NOX1: variants seen among roughly 807,000 people sequenced by gnomAD.
NOX1 encodes NADPH oxidase 1.
In NOX1, 34 loss-of-function variants were observed where a neutral mutation model predicts 42.5. That is an observed-to-expected ratio of 0.80 (90% CI 0.61 to 1.07). The LOEUF is 1.07. Ranked by LOEUF, NOX1 falls within the 50% of genes least tolerant of loss-of-function variation. The pLI is 0.00. For missense variants in NOX1, 408 were observed against 427.0 expected, an observed-to-expected ratio of 0.96 and a Z score of 0.39; for synonymous variants, 143 against 152.5, an observed-to-expected ratio of 0.94 and a Z score of 0.46.
chrX:100,843,531 G>T lies in NOX1; in HGVS notation c.*421C>A, dbSNP rs2085050836. On this transcript the variant is annotated 3_prime_UTR_variant, in exon 13 of 13. Coordinates refer to ENST00000372966, the MANE Select transcript of NOX1 (RefSeq NM_007052.5). Reference sequence around the variant, plus strand: ...TATTCAATAAATTTTTATTTAAAAAGTCACCCTACTTAGAAATCTTCTGTG... The same window carrying T: ...TATTCAATAAATTTTTATTTAAAAATTCACCCTACTTAGAAATCTTCTGTG... 1 of 991,710 alleles carries T rather than the reference G, an allele frequency of 1.0e-6. No individual in the cohort carries two copies. Among genetic ancestry groups the T allele is most frequent in the African/African-American group, 2.0e-5 (1 of 49,451 alleles). The allele number at this position is 991,710 out of a possible 1,213,427, so 81.7% of individuals were successfully genotyped here. A position where few individuals can be genotyped will look rare whatever the true frequency, so the allele number is the denominator to read the frequency against.
chrX:100,863,758 A>G (rs907950197), intron 2 of NOX1, among the ~76,000 whole-genome samples, 163 bp from the exon 3 acceptor site: 3 of 111,419 alleles, frequency 2.7e-5, no homozygotes, highest in Non-Finnish European at 5.6e-5. Flanking sequence ...TCTGTTTGCA[A>G]AATACATAAA....
chrX:100,849,905 G>T lies in NOX1; in HGVS notation c.1163C>A (p.Ala388Asp). 1 of 1,205,889 alleles carries T rather than the reference G, an allele frequency of 8.3e-7. No individual in the cohort carries two copies. Among genetic ancestry groups the T allele is most frequent in the Non-Finnish European group, 1.1e-6 (1 of 893,066 alleles). The change falls in exon 10 of 13, where the codon GCC becomes GAC. Residue 388 changes from alanine (A) to aspartate (D), a missense_variant. By Grantham distance (126) the Ala-to-Asp change is moderately radical (BLOSUM62 -2). Transcript: ENST00000372966. The stretch of plus-strand genomic sequence containing the variant: ...TTCATACTGGAAAACATCCTCACTG[G>T]CTGTGCCAAAGGGACCATCCACTTC... ...RIEVDGPFGT[A>D]SEDVFQYEVA...
At chrX:100,869,027 T>C (rs2085256502) in intron 2 of NOX1, among the ~76,000 whole-genome samples, 2 of 111,578 alleles carry the variant, frequency 1.8e-5, no homozygotes, top group South Asian at 3.8e-4. Context: ...TATATCTCTG[T>C]TTTGGTACCA....
chrX:100,868,734 C>T (rs1386957403), intron 2 of NOX1, among the ~76,000 whole-genome samples: 1 of 110,509 alleles, frequency 9.0e-6, no homozygotes, highest in East Asian at 2.8e-4. Flanking sequence ...AAAAAAAAAC[C>T]AAACTCTTTC....
intron 7 of NOX1, among the ~76,000 whole-genome samples, chrX:100,856,818 C>T (rs2085170814): frequency 8.9e-6 from 1 of 111,754 alleles, no homozygotes; most frequent in Non-Finnish European, 1.9e-5. Context: ...AGCAATCCTC[C>T]TGCCTCAGCC....
At position 100,858,251 on chromosome X, in the gene NOX1, C is replaced by A. The variant is rs141332570; in HGVS notation, c.804+3920G>T. The stretch of plus-strand genomic sequence containing the variant: ...AGATCACATGGTCATGGATATGCAA[C>A]ATTATTTCTGGGCTCTCTATTCTGT... On this transcript the variant is annotated intron_variant, in intron 7 of 12. Transcript: ENST00000372966. Among the ~76,000 whole-genome samples the A allele has an allele frequency of 5.4e-3, 601 of 111,535 alleles. 7 individuals are homozygous for A. Among genetic ancestry groups the A allele is most frequent in the African/African-American group, 0.018 (557 of 30,714 alleles).
chrX:100,874,113 C>T lies in NOX1; in HGVS notation c.27G>A (p.Trp9Ter). ...CACTTACCAGAAACAAAACTGAAAA[C>T]CAGTGGTTAACCACCCAGTTTCCCA... Reference protein sequence around the residue: MGNWVVNHWFSVLFLVVWL... With the variant: MGNWVVNH Residue 9 changes from tryptophan (W) to a stop codon, truncating the protein, a stop_gained, in exon 1 of 13, where the codon TGG (tryptophan) becomes TGA (stop). Transcript: ENST00000372966. LOFTEE classifies it high-confidence loss of function. The T allele has an allele frequency of 5.8e-6, 7 of 1,205,041 alleles. No homozygotes were observed. Among genetic ancestry groups the T allele is most frequent in the Non-Finnish European group, 7.9e-6 (7 of 890,258 alleles).
chrX:100,847,923 C>G lies in NOX1; in HGVS notation c.1568+707G>C, dbSNP rs1377426271. On this transcript the variant is annotated intron_variant, in intron 12 of 12. Transcript: ENST00000372966. The stretch of plus-strand genomic sequence containing the variant: ...TTTTGTGCTGTAACATGTCTCAAAA[C>G]CCTCCAGAAAGATTGAGCTCAGGTG... 1.4e-4 allele frequency among the ~76,000 whole-genome samples: 15 copies of G among 110,631 alleles called. No individual in the cohort carries two copies. In the Admixed American group the frequency reaches 1.5e-3, roughly 11 times the overall value.
chrX:100,862,211 G>A lies in NOX1; in HGVS notation c.764C>T (p.Ser255Phe), dbSNP rs893008667. 3.0e-5 allele frequency: 36 copies of A among 1,210,036 alleles called. No individual in the cohort carries two copies. Among genetic ancestry groups the A allele is most frequent in the Non-Finnish European group, 4.0e-5 (36 of 895,104 alleles). The part of the protein sequence containing the change: ...ESFEMWDDRD[S>F]HCRRPKFEGH... ...TTCAAACTTAGGGCGCCTACAGTGG[G>A]AGTCACGATCATCCCACATCTCAAA... The change falls in exon 7 of 13, where the codon TCC (serine) becomes TTC (phenylalanine). Residue 255 changes from serine to phenylalanine, a missense_variant. Ser to Phe is a radical substitution (Grantham distance 155). Coordinates refer to ENST00000372966, the MANE Select transcript of NOX1 (RefSeq NM_007052.5).
chrX:100,845,343 C>G (rs1727009285), intron 12 of NOX1, among the ~76,000 whole-genome samples: 1 of 110,806 alleles, frequency 9.0e-6, no homozygotes, highest in Admixed American at 9.6e-5. Context: ...TGTTTTTCAG[C>G]ATGATGTTTT....
chrX:100,865,508 G>A (rs958506263), intron 2 of NOX1, among the ~76,000 whole-genome samples: 3 of 112,293 alleles, frequency 2.7e-5, no homozygotes, highest in Non-Finnish European at 5.6e-5. Flanking sequence ...AATTGACTAT[G>A]GATTTAAACT....
At chrX:100,844,160 T>C in intron 12 of NOX1, 82 bp from the exon 13 acceptor site, 1 of 883,849 alleles carries the variant, frequency 1.1e-6, no homozygotes, top group East Asian at 3.6e-5. Flanking sequence ...CTCTACTACT[T>C]CCAAGAACCT....
At chrX:100,849,465 C>A (rs141231572) in intron 10 of NOX1, 39 bp from the exon 11 acceptor site, 4 of 1,172,645 alleles carry the variant, frequency 3.4e-6, no homozygotes, top group Non-Finnish European at 4.6e-6. Flanking sequence ...TATTAGGTGA[C>A]CTTAAAAGTC....
chrX:100,852,623 TG>T (rs2085122874), intron 7 of NOX1, among the ~76,000 whole-genome samples: 1 of 112,242 alleles, frequency 8.9e-6, no homozygotes, highest in East Asian at 2.8e-4. Flanking sequence ...TGTGATACAT[TG>T]GGACTGTGTG....
At chrX:100,863,008 A>ACATGTT in intron 4 of NOX1, 151 bp downstream of exon 4, 1 of 606,835 alleles carries the variant, frequency 1.6e-6, no homozygotes, top group Non-Finnish European at 2.7e-6. Flanking sequence ...AAGGAATAGA[A>ACATGTT]CTTAAGCTCC....
intron 7 of NOX1, among the ~76,000 whole-genome samples, chrX:100,859,708 GT>G (rs765160622): frequency 4.8e-4 from 44 of 91,062 alleles, no homozygotes; most frequent in African/African-American, 9.9e-4. Flanking sequence ...CTTCTAGGTT[GT>G]TTTTTTTTTT....
intron 12 of NOX1, among the ~76,000 whole-genome samples, chrX:100,847,895 A>G (rs998719879): frequency 4.5e-5 from 5 of 110,661 alleles, no homozygotes; most frequent in African/African-American, 9.9e-5. Flanking sequence ...TAGCACCAGG[A>G]TTTTTTGTGC....
chrX:100,853,259 TTC>T (rs1480540892), intron 7 of NOX1, among the ~76,000 whole-genome samples: 194 of 39,024 alleles, frequency 5.0e-3, no homozygotes, highest in Non-Finnish European at 7.0e-3. Flanking sequence ...CCTTCCTTCC[TTC>T]CTTTCTTTCT....
intron 7 of NOX1, among the ~76,000 whole-genome samples, chrX:100,854,096 T>A (rs1441357705): frequency 9.0e-6 from 1 of 110,531 alleles, no homozygotes; most frequent in Non-Finnish European, 1.9e-5. Flanking sequence ...TGAGACAAGA[T>A]CACACCACTG....
Sources: allele counts gnomAD v4.1 joint callset (sites outside exome capture counted in the v4.1 genomes callset), GRCh38; gene constraint gnomAD v4.1.1; transcripts MANE v1.5; gene names NCBI Gene and HGNC (gene_info 2026-07-23, HGNC 2026-07-21).